GALNTL6: variants seen among roughly 807,000 people sequenced by gnomAD.
GALNTL6 encodes polypeptide N-acetylgalactosaminyltransferase like 6.
A neutral mutation model predicts 73.7 loss-of-function variants in GALNTL6; 46 were observed. The ratio of observed to expected loss-of-function variants is 0.62; its 90% CI spans 0.49 to 0.80. The LOEUF is 0.80. Ranked by LOEUF, GALNTL6 falls within the 30% of genes least tolerant of loss-of-function variation. The pLI, the probability that GALNTL6 is intolerant of heterozygous loss-of-function variation, is 0.00. For synonymous variants in GALNTL6, 259 were observed against 263.7 expected (o/e 0.98, Z 0.17); for missense variants, 604 against 755.0 (o/e 0.80, Z 2.34).
At chr4:172,817,215 C>T (rs1017617070) in intron 7 of GALNTL6, among the ~76,000 whole-genome samples, 2 of 151,658 alleles carry the variant, frequency 1.3e-5, no homozygotes, top group African/African-American at 4.9e-5. Context: ...TGCTTGAGCC[C>T]AGGAGTTTGA....
chr4:171,901,236 A>G (rs1196238118), intron 2 of GALNTL6, among the ~76,000 whole-genome samples: 1 of 152,216 alleles, frequency 6.6e-6, no homozygotes, highest in African/African-American at 2.4e-5. Context: ...GGCAAGATAC[A>G]GAATAAAATC....
chr4:172,070,331 C>T lies in GALNTL6; in HGVS notation c.139-159325C>T, dbSNP rs758447589. Among the ~76,000 whole-genome samples the T allele has an allele frequency of 5.4e-5, 6 of 110,276 alleles. 3 individuals carry two copies. The highest frequency in any genetic ancestry group is 1.2e-4 in the Non-Finnish European group (6 of 49,562). 72.3% of individuals were successfully genotyped at this position (110,276 alleles called of 152,430 possible). ...AGAGTTCAATAAAGCAAAAACAGAACAGTGGAAGATGATTTAATAGTGTTA... is the reference window on the plus strand; with the variant it reads ...AGAGTTCAATAAAGCAAAAACAGAATAGTGGAAGATGATTTAATAGTGTTA... On this transcript the variant is annotated intron_variant, in intron 2 of 12. Coordinates refer to ENST00000506823, the MANE Select transcript of GALNTL6 (RefSeq NM_001034845.3).
At chr4:172,279,752 G>T (rs896959277) in intron 3 of GALNTL6, among the ~76,000 whole-genome samples, 6 of 152,060 alleles carry the variant, frequency 3.9e-5, no homozygotes, top group Non-Finnish European at 8.8e-5. Flanking sequence ...TGAAAGCAGG[G>T]TCTTGAAAAG....
intron 5 of GALNTL6, among the ~76,000 whole-genome samples, chr4:172,773,150 G>A (rs9312534): frequency 0.52 from 78,941 of 152,040 alleles, 21,348 homozygotes; most frequent in East Asian, 0.78. Flanking sequence ...CAGAAAATGC[G>A]TCAATGGAGG....
At chr4:172,768,319 A>C (rs1405001457) in intron 5 of GALNTL6, among the ~76,000 whole-genome samples, 1 of 152,218 alleles carries the variant, frequency 6.6e-6, no homozygotes, top group Non-Finnish European at 1.5e-5. Context: ...TGGAATACAT[A>C]GAGTAGGTAA....
chr4:172,671,479 A>T (rs2111205722), intron 5 of GALNTL6, among the ~76,000 whole-genome samples: 1 of 152,260 alleles, frequency 6.6e-6, no homozygotes, highest in East Asian at 1.9e-4. Context: ...TTTGGCATAT[A>T]GGAATGCCAA....
At chr4:172,541,385 C>T (rs939517741) in intron 5 of GALNTL6, among the ~76,000 whole-genome samples, 1 of 152,166 alleles carries the variant, frequency 6.6e-6, no homozygotes, top group Non-Finnish European at 1.5e-5. Flanking sequence ...ATGAGAGTCA[C>T]GCAGCACCTA....
intron 3 of GALNTL6, among the ~76,000 whole-genome samples, chr4:172,277,778 T>G (rs1738889096): frequency 6.6e-6 from 1 of 152,224 alleles, no homozygotes; most frequent in South Asian, 2.1e-4. Flanking sequence ...TACCCTTGAA[T>G]GTAGTGGTTT....
intron 3 of GALNTL6, among the ~76,000 whole-genome samples, chr4:172,291,002 A>G (rs757646112): frequency 4.6e-5 from 7 of 152,012 alleles, no homozygotes; most frequent in Admixed American, 3.3e-4. Flanking sequence ...TATACATGAT[A>G]AATCTGAAAT....
chr4:173,016,559 G>A (rs912932932), intron 11 of GALNTL6, among the ~76,000 whole-genome samples: 2 of 152,194 alleles, frequency 1.3e-5, no homozygotes, highest in African/African-American at 4.8e-5. Context: ...ACTTGCATGG[G>A]GCCTTTAGTC....
At chr4:172,764,069 C>T (rs1245628976) in intron 5 of GALNTL6, among the ~76,000 whole-genome samples, 1 of 151,550 alleles carries the variant, frequency 6.6e-6, no homozygotes, top group Non-Finnish European at 1.5e-5. Context: ...AACGATTCTC[C>T]TGCCTCAGCC....
At chr4:172,037,587 C>T (rs1365293118) in intron 2 of GALNTL6, among the ~76,000 whole-genome samples, 1 of 152,136 alleles carries the variant, frequency 6.6e-6, no homozygotes, top group Admixed American at 6.6e-5. Flanking sequence ...TCTGTCTGTG[C>T]CCTGAATGCT....
chr4:172,836,071 G>A (rs1291219653), intron 7 of GALNTL6, among the ~76,000 whole-genome samples: 1 of 152,164 alleles, frequency 6.6e-6, no homozygotes, highest in African/African-American at 2.4e-5. Context: ...GGCAATGGCA[G>A]AAACAGCTCT....
intron 12 of GALNTL6, among the ~76,000 whole-genome samples, chr4:173,024,503 CA>C (rs1376417267): frequency 1.3e-5 from 2 of 152,226 alleles, no homozygotes; most frequent in African/African-American, 4.8e-5. Flanking sequence ...AGAAAAAGCA[CA>C]AAGAGAAATC....
At chr4:172,941,160 G>A (rs1200747121) in intron 9 of GALNTL6, among the ~76,000 whole-genome samples, 1 of 152,060 alleles carries the variant, frequency 6.6e-6, no homozygotes, top group Admixed American at 6.6e-5. Flanking sequence ...TCAATTATCT[G>A]ATGCTTTCCA....
At chr4:172,550,574 G>T (rs1735919145) in intron 5 of GALNTL6, among the ~76,000 whole-genome samples, 1 of 152,092 alleles carries the variant, frequency 6.6e-6, no homozygotes, top group African/African-American at 2.4e-5. Flanking sequence ...ATTTTAAACT[G>T]CAAATTGCAA....
chr4:172,061,200 C>A (rs1465018634), intron 2 of GALNTL6, among the ~76,000 whole-genome samples: 1 of 151,808 alleles, frequency 6.6e-6, no homozygotes, highest in African/African-American at 2.4e-5. Context: ...CTTTTTTTCT[C>A]TCTCTGTATT....
chr4:172,996,163 G>GACACACACAC (rs10658403), intron 10 of GALNTL6, among the ~76,000 whole-genome samples: 2 of 148,204 alleles, frequency 1.3e-5, no homozygotes, highest in African/African-American at 5.0e-5. Context: ...AAGAAAATGT[G>GACACACACAC]ACACACACAC....
At chr4:172,849,343 A>T (rs1041491219) in intron 7 of GALNTL6, among the ~76,000 whole-genome samples, 6 of 152,176 alleles carry the variant, frequency 3.9e-5, no homozygotes, top group Admixed American at 1.3e-4. Context: ...CTCAGAAAAT[A>T]ACAAAAGAAA....
Sources: allele counts gnomAD v4.1 joint callset (sites outside exome capture counted in the v4.1 genomes callset), GRCh38; gene constraint gnomAD v4.1.1; transcripts MANE v1.5; gene names NCBI Gene and HGNC (gene_info 2026-07-23, HGNC 2026-07-21).